Variants in EYA4 observed in about 807,000 individuals in gnomAD.
The protein encoded by EYA4 is EYA transcriptional coactivator and phosphatase 4, also known as protein phosphatase EYA4.
Under a neutral mutation model 87.9 loss-of-function variants are expected in EYA4, and 31 were observed. The observed-to-expected ratio is 0.35, with a 90% CI of 0.27 to 0.48. The LOEUF is 0.48. Ranked by LOEUF, EYA4 falls within the 20% of genes least tolerant of loss-of-function variation. The pLI, the probability that EYA4 is intolerant of heterozygous loss-of-function variation, is 0.99. For synonymous variants in EYA4, 263 were observed against 270.6 expected (o/e 0.97, Z 0.28); for missense variants, 678 against 761.4 (o/e 0.89, Z 1.29).
chr6:133,437,243 T>A (rs898801529), intron 3 of EYA4, among the ~76,000 whole-genome samples: 11 of 152,212 alleles, frequency 7.2e-5, no homozygotes, highest in Admixed American at 1.3e-4. Flanking sequence ...GCAGAGCAGA[T>A]CCTTATATTG....
rs1002847191 is a variant in EYA4, at chr6:133,483,018, T to C, written c.1108-14T>C. The C allele has an allele frequency of 1.2e-6, 2 of 1,607,090 alleles. No individual in the cohort carries two copies. The highest frequency in any genetic ancestry group is 2.7e-5 in the African/African-American group (2 of 74,914). On this transcript the variant is annotated splice_polypyrimidine_tract_variant and intron_variant, in intron 12 of 19. Transcript: ENST00000355286. ...GGACTTTTTAATTTTCTGATATTTATTTTTTGTCTTCAGCGTGTGTTTGTC... is the reference window on the plus strand; with the variant it reads ...GGACTTTTTAATTTTCTGATATTTACTTTTTGTCTTCAGCGTGTGTTTGTC...
At chr6:133,258,061 G>GA (rs1226882072) in intron 1 of EYA4, among the ~76,000 whole-genome samples, 1 of 152,114 alleles carries the variant, frequency 6.6e-6, no homozygotes, top group East Asian at 1.9e-4. Context: ...AAGACATTAA[G>GA]AAAACCAAGC....
intron 2 of EYA4, among the ~76,000 whole-genome samples, chr6:133,302,355 T>G (rs1444370576): frequency 1.3e-5 from 2 of 152,146 alleles, no homozygotes; most frequent in Non-Finnish European, 2.9e-5. Context: ...ATCAAAGTCC[T>G]TAGGGGATAG....
intron 2 of EYA4, among the ~76,000 whole-genome samples, chr6:133,374,072 G>A (rs927942995): frequency 6.6e-6 from 1 of 152,062 alleles, no homozygotes; most frequent in African/African-American, 2.4e-5. Context: ...AAGGACTGTG[G>A]CATAGATAAG....
At position 133,523,044 on chromosome 6, in the gene EYA4, T is replaced by G. The variant is rs1176663620; in HGVS notation, c.1617-12T>G. Reference sequence around the variant, plus strand: ...TTAGAAAACAAACATGTATATTTCCTCCCTATTTTAGGAGTAACTGCATAA... The same window carrying G: ...TTAGAAAACAAACATGTATATTTCCGCCCTATTTTAGGAGTAACTGCATAA... On this transcript the variant is annotated splice_polypyrimidine_tract_variant and intron_variant, in intron 17 of 19. Coordinates refer to ENST00000355286, the MANE Select transcript of EYA4 (RefSeq NM_004100.5). 2 of 1,604,944 alleles carry G rather than the reference T, an allele frequency of 1.2e-6. No homozygotes were observed. Among genetic ancestry groups the G allele is most frequent in the Non-Finnish European group, 1.7e-6 (2 of 1,172,030 alleles).
intron 13 of EYA4, chr6:133,502,446 T>A (rs940109546): frequency 6.6e-6 from 1 of 152,172 alleles, no homozygotes; most frequent in Non-Finnish European, 1.5e-5. Context: ...AAACTTGGGT[T>A]CAATCCAGAA....
intron 5 of EYA4, among the ~76,000 whole-genome samples, chr6:133,454,502 A>C (rs1793739681): frequency 1.3e-5 from 2 of 152,158 alleles, no homozygotes; most frequent in South Asian, 4.1e-4. Context: ...TAGCTCTTAC[A>C]AGCTTTGTGA....
At chr6:133,293,113 A>G (rs1471521810) in intron 2 of EYA4, among the ~76,000 whole-genome samples, 5 of 151,868 alleles carry the variant, frequency 3.3e-5, no homozygotes, top group African/African-American at 1.2e-4. Context: ...AGGTGTTTTG[A>G]ATTTCTCTTC....
At chr6:133,458,865 AG>A (rs1373064462) in intron 6 of EYA4, among the ~76,000 whole-genome samples, 1 of 152,178 alleles carries the variant, frequency 6.6e-6, no homozygotes, top group African/African-American at 2.4e-5. Flanking sequence ...ATTAATTTTC[AG>A]GGCATTTTGA....
At chr6:133,278,386 A>G (rs1046983633) in intron 2 of EYA4, among the ~76,000 whole-genome samples, 1 of 152,138 alleles carries the variant, frequency 6.6e-6, no homozygotes, top group Non-Finnish European at 1.5e-5. Context: ...ACCCTACAGG[A>G]CTGAAACCCT....
At chr6:133,423,082 G>C (rs1000523129) in intron 3 of EYA4, among the ~76,000 whole-genome samples, 14 of 152,118 alleles carry the variant, frequency 9.2e-5, no homozygotes, top group African/African-American at 1.2e-4. Flanking sequence ...GGAACACAAA[G>C]GGAAATGCTA....
At chr6:133,357,438 G>A (rs943405532) in intron 2 of EYA4, among the ~76,000 whole-genome samples, 1 of 152,156 alleles carries the variant, frequency 6.6e-6, no homozygotes, top group African/African-American at 2.4e-5. Flanking sequence ...GTAGCAAAAT[G>A]AACTGTAGAG....
chr6:133,310,090 A>G (rs917596845), intron 2 of EYA4, among the ~76,000 whole-genome samples: 2 of 152,210 alleles, frequency 1.3e-5, no homozygotes, highest in African/African-American at 2.4e-5. Context: ...CACAGCAGCG[A>G]AAGTGAGGAG....
chr6:133,368,312 A>C (rs1188357675), intron 2 of EYA4, among the ~76,000 whole-genome samples: 1 of 152,166 alleles, frequency 6.6e-6, no homozygotes, highest in Non-Finnish European at 1.5e-5. Context: ...TAGGGAAGAA[A>C]ATTACAATCC....
intron 1 of EYA4, among the ~76,000 whole-genome samples, chr6:133,252,234 T>A (rs991398831): frequency 6.6e-6 from 1 of 152,216 alleles, no homozygotes; most frequent in Non-Finnish European, 1.5e-5. Flanking sequence ...TCTGTAGTGT[T>A]AGAAAAGGTA....
chr6:133,393,806 A>G (rs888104895), intron 3 of EYA4, among the ~76,000 whole-genome samples: 1 of 152,194 alleles, frequency 6.6e-6, no homozygotes, highest in Admixed American at 6.5e-5. Flanking sequence ...TCTCTCTGCC[A>G]CACCACACAC....
At chr6:133,361,353 C>G (rs7750244) in intron 2 of EYA4, among the ~76,000 whole-genome samples, 1 of 151,950 alleles carries the variant, frequency 6.6e-6, no homozygotes, top group Admixed American at 6.6e-5. Context: ...CATTCAGGGT[C>G]GTTTGCTGCA....
At chr6:133,446,937 G>C (rs1030269744) in intron 4 of EYA4, among the ~76,000 whole-genome samples, 183 bp downstream of exon 4, 5 of 152,094 alleles carry the variant, frequency 3.3e-5, no homozygotes, top group African/African-American at 7.2e-5. Context: ...TGCTCCTCCT[G>C]TATAGCTGGG....
At chr6:133,500,620 T>C (rs1488555092) in intron 13 of EYA4, among the ~76,000 whole-genome samples, 1 of 152,176 alleles carries the variant, frequency 6.6e-6, no homozygotes, top group African/African-American at 2.4e-5. Context: ...CTGTCATCTT[T>C]GCACCACCAA....
Sources: gnomAD v4.1 joint callset for allele counts (sites outside exome capture counted in the v4.1 genomes callset) on GRCh38, gnomAD v4.1.1 for gene constraint, MANE v1.5 for transcripts, NCBI Gene and HGNC (gene_info 2026-07-23, HGNC 2026-07-21) for gene names.